The following ZNF469 variants were observed in gnomAD, a reference collection of about 807,000 sequenced individuals.
ZNF469 encodes zinc finger protein 469.
Under a neutral mutation model 1.0 loss-of-function variants are expected in ZNF469, and 1 was observed. The observed-to-expected ratio is 1.00, with a 90% CI of 0.35 to 4.73. The LOEUF (loss-of-function observed/expected upper bound fraction) is 4.73, where lower values mean the gene tolerates loss of function less well. ZNF469 is among the 30% of genes most tolerant of loss of function. The pLI, the probability that ZNF469 is intolerant of heterozygous loss-of-function variation, is 0.16. For missense variants in ZNF469, 6,100 were observed against 5,356.3 expected, an observed-to-expected ratio of 1.14 and a Z score of -4.33; for synonymous variants, 2,703 against 2,363.4, an observed-to-expected ratio of 1.14 and a Z score of -4.17.
At chr16:88,241,028 G>C in the ZNF469 span, among the ~76,000 whole-genome samples, 1 of 152,132 alleles carries the variant, frequency 6.6e-6, no homozygotes, top group Non-Finnish European at 1.5e-5. The surrounding 1 kb of genome is among the most constrained non-coding windows in gnomAD (Gnocchi z 4.8). Context: ...TGCCTGGCAG[G>C]GCTCTGCCAT....
the ZNF469 span, among the ~76,000 whole-genome samples, chr16:88,340,757 TG>T: frequency 3.2e-5 from 1 of 31,610 alleles, no homozygotes; most frequent in Non-Finnish European, 5.7e-5. Flanking sequence ...GAGGGGAGGG[TG>T]GGTCAGAGGG....
chr16:88,184,768 A>C, the ZNF469 span, among the ~76,000 whole-genome samples: 1 of 152,172 alleles, frequency 6.6e-6, no homozygotes, highest in African/African-American at 2.4e-5. Context: ...TTACGACCTC[A>C]GCGACACATT....
rs142461069 is a variant in ZNF469 at position 88,418,495 on chromosome 16, C to G, written c.-191-6312C>G. Among the ~76,000 whole-genome samples the G allele has an allele frequency of 5.8e-3, 880 of 152,274 alleles. 8 individuals are homozygous for G. Among genetic ancestry groups the G allele is most frequent in the Middle Eastern group, 0.02 (6 of 294 alleles). On this transcript the variant is annotated intron_variant, in intron 1 of 2. Coordinates refer to ENST00000565624, the MANE Select transcript of ZNF469 (RefSeq NM_001367624.2). ...CTGCCTCTTGCCATGTGCCAGCTCT[C>G]AGCAATTTCAGTGGGTGGCAGGGCT...
the ZNF469 span, among the ~76,000 whole-genome samples, chr16:88,130,215 G>T: frequency 3.9e-5 from 6 of 152,168 alleles, no homozygotes; most frequent in East Asian, 3.8e-4. Flanking sequence ...AGGCCAAGCT[G>T]TCCAGCCCTC....
intron 1 of ZNF469, among the ~76,000 whole-genome samples, chr16:88,397,151 G>A (rs1398606283): frequency 6.6e-6 from 1 of 152,250 alleles, no homozygotes; most frequent in South Asian, 2.1e-4. Context: ...CCCCAGGGCT[G>A]AGGCCTCTGT....
chr16:88,331,069 C>G, the ZNF469 span, among the ~76,000 whole-genome samples: 2 of 150,682 alleles, frequency 1.3e-5, no homozygotes, highest in Admixed American at 6.6e-5. Flanking sequence ...ACAACCATCA[C>G]GACCACCACC....
the ZNF469 span, among the ~76,000 whole-genome samples, chr16:88,231,454 C>A: frequency 6.6e-6 from 1 of 152,238 alleles, no homozygotes; most frequent in Non-Finnish European, 1.5e-5. This position sits in a 1 kb window ranked among gnomAD's most constrained non-coding sequence, Gnocchi z 4.5. Context: ...GACGAGATGA[C>A]CACAGGCTCA....
chr16:88,394,100 C>A (rs1368911191), intron 1 of ZNF469, among the ~76,000 whole-genome samples: 3 of 134,060 alleles, frequency 2.2e-5, no homozygotes, highest in African/African-American at 2.6e-5. Context: ...GACACGACTA[C>A]ACCTGCGCTG....
chr16:88,108,176 G>A, the ZNF469 span, among the ~76,000 whole-genome samples: 1 of 144,994 alleles, frequency 6.9e-6, no homozygotes, highest in African/African-American at 2.7e-5. Context: ...TGGGGATGTG[G>A]GGATGGAGGT....
chr16:88,262,994 T>A, the ZNF469 span, among the ~76,000 whole-genome samples: 1 of 152,132 alleles, frequency 6.6e-6, no homozygotes, highest in Non-Finnish European at 1.5e-5. The surrounding 1 kb of genome is among the most constrained non-coding windows in gnomAD (Gnocchi z 4.3). Context: ...CAGCTGGGGA[T>A]CGTTCGCAGA....
the ZNF469 span, among the ~76,000 whole-genome samples, chr16:88,236,510 G>T: frequency 1.3e-5 from 2 of 152,338 alleles, no homozygotes; most frequent in South Asian, 2.1e-4. Flanking sequence ...TTGTTTTTCA[G>T]GTTTACTTTG....
the ZNF469 span, among the ~76,000 whole-genome samples, chr16:88,203,963 C>T: frequency 1.3e-5 from 2 of 152,204 alleles, no homozygotes; most frequent in African/African-American, 2.4e-5. Flanking sequence ...TCATAAGCCC[C>T]AGAGAGCAGC....
chr16:88,428,172 C>T lies in ZNF469; in HGVS notation c.702C>T (p.Ser234=), dbSNP rs1597206040. 6.5e-7 allele frequency: 1 copy of T among 1,550,152 alleles called. No individual in the cohort carries two copies. Among genetic ancestry groups the T allele is most frequent in the Admixed American group, 2.0e-5 (1 of 50,988 alleles). Residue 234 remains serine, a synonymous_variant, in exon 3 of 3, where the codon TCC becomes TCT. Coordinates refer to ENST00000565624, the MANE Select transcript of ZNF469 (RefSeq NM_001367624.2). The stretch of plus-strand genomic sequence containing the variant: ...AATACCAGGCCAGTGGGGCCGACTC[C>T]TGGCCTCCCGCTGCTGAGAATAGCT... The part of the protein sequence containing the change: ...YPEYQASGAD[S]WPPAAENSFP...
the ZNF469 span, among the ~76,000 whole-genome samples, chr16:88,152,701 G>C: frequency 1.3e-5 from 2 of 152,140 alleles, no homozygotes; most frequent in African/African-American, 4.8e-5. This position sits in a 1 kb window ranked among gnomAD's most constrained non-coding sequence, Gnocchi z 4.2. Context: ...GAATTACTTA[G>C]CAGTTGGTAA....
the ZNF469 span, among the ~76,000 whole-genome samples, chr16:88,168,743 C>T: frequency 6.6e-6 from 1 of 152,202 alleles, no homozygotes; most frequent in Non-Finnish European, 1.5e-5. The surrounding 1 kb of genome is among the most constrained non-coding windows in gnomAD (Gnocchi z 4.3). Context: ...GATTAGCAAA[C>T]AGCACCGTGG....
At chr16:88,306,645 T>C in the ZNF469 span, among the ~76,000 whole-genome samples, 2 of 152,142 alleles carry the variant, frequency 1.3e-5, no homozygotes, top group African/African-American at 2.4e-5. Context: ...CATTGCTTGA[T>C]GCTGTTGGAA....
the ZNF469 span, among the ~76,000 whole-genome samples, chr16:88,322,011 T>G: frequency 2.0e-5 from 3 of 152,126 alleles, no homozygotes; most frequent in African/African-American, 7.2e-5. Flanking sequence ...GAGATCTCTG[T>G]GGGATGAGAG....
chr16:88,220,307 C>T, the ZNF469 span, among the ~76,000 whole-genome samples: 16 of 152,248 alleles, frequency 1.1e-4, no homozygotes, highest in Admixed American at 3.3e-4. Flanking sequence ...AGTGTGCAGC[C>T]GGTGTGACGC....
chr16:88,228,724 T>A, the ZNF469 span, among the ~76,000 whole-genome samples: 1 of 152,224 alleles, frequency 6.6e-6, no homozygotes, highest in African/African-American at 2.4e-5. Flanking sequence ...CCTTCCGGCC[T>A]TGCTTTGCTC....
Sources: allele counts gnomAD v4.1 joint callset (sites outside exome capture counted in the v4.1 genomes callset), GRCh38; gene constraint gnomAD v4.1.1; non-coding constraint Gnocchi (gnomAD v3.1); transcripts MANE v1.5; gene names NCBI Gene and HGNC (gene_info 2026-07-23, HGNC 2026-07-21).